The following HDAC9 variants were observed in gnomAD, a reference collection of about 807,000 sequenced individuals.
HDAC9 encodes MEF-2 interacting transcription repressor (MITR) protein.
Under a neutral mutation model 139.4 loss-of-function variants are expected in HDAC9, and 41 were observed. That is an observed-to-expected ratio of 0.29 (90% CI 0.23 to 0.38). The LOEUF (loss-of-function observed/expected upper bound fraction) is 0.38, where lower values mean the gene tolerates loss of function less well. HDAC9 is among the 10% of genes least tolerant of loss of function. The pLI is 1.00. For synonymous variants in HDAC9, 517 were observed against 476.2 expected (o/e 1.09, Z -1.12); for missense variants, 1,147 against 1,297.0 (o/e 0.88, Z 1.78).
At chr7:18,633,960 C>A (rs767186629) in intron 7 of HDAC9, among the ~76,000 whole-genome samples, 9 of 152,010 alleles carry the variant, frequency 5.9e-5, no homozygotes, top group Non-Finnish European at 1.2e-4. Context: ...AAAGGAATTT[C>A]TTGTTATATT....
intron 12 of HDAC9, among the ~76,000 whole-genome samples, chr7:18,693,755 T>C (rs1462642456): frequency 6.6e-6 from 1 of 152,182 alleles, no homozygotes. Flanking sequence ...TAAAATAGTA[T>C]GTGTGAAATT....
At chr7:18,641,517 GT>G (rs1785588083) in intron 8 of HDAC9, among the ~76,000 whole-genome samples, 1 of 152,076 alleles carries the variant, frequency 6.6e-6, no homozygotes, top group African/African-American at 2.4e-5. Flanking sequence ...CCCGTTAATT[GT>G]TTTGTGAAGG....
chr7:18,635,552 C>G (rs1389028308), intron 8 of HDAC9, among the ~76,000 whole-genome samples: 3 of 152,048 alleles, frequency 2.0e-5, no homozygotes, highest in Non-Finnish European at 4.4e-5. Context: ...CTATCAAAGG[C>G]AAGAGTCTGA....
rs566996141 is a variant in HDAC9, at chr7:18,557,344, T to G, written c.23-27937T>G. Among the ~76,000 whole-genome samples, 1,181 of 151,454 alleles carry G rather than the reference T, an allele frequency of 7.8e-3. 8 individuals carry two copies. Among genetic ancestry groups the G allele is most frequent in the African/African-American group, 0.022 (904 of 41,422 alleles). ...CAACTTTAAAGCAATGATGAGTTTT[T>G]TTTTTTTTTTTTATATCTAACCTTA... On this transcript the variant is annotated intron_variant, in intron 2 of 25. Coordinates refer to ENST00000686413, the MANE Select transcript of HDAC9 (RefSeq NM_178425.4).
chr7:18,391,811 T>G (rs1334962254), intron 1 of HDAC9, among the ~76,000 whole-genome samples: 4 of 152,200 alleles, frequency 2.6e-5, no homozygotes, highest in African/African-American at 9.7e-5. Flanking sequence ...TCTTCTTCTG[T>G]CAAATGAGGG....
chr7:18,273,800 A>G (rs1796541990), intron 2 of HDAC9, among the ~76,000 whole-genome samples: 1 of 152,250 alleles, frequency 6.6e-6, no homozygotes, highest in Non-Finnish European at 1.5e-5. Flanking sequence ...AAATAAGAAT[A>G]GTTAATCCTA....
intron 21 of HDAC9, among the ~76,000 whole-genome samples, chr7:18,870,947 G>A (rs1377272802): frequency 6.6e-6 from 1 of 152,150 alleles, no homozygotes; most frequent in African/African-American, 2.4e-5. Context: ...GTAGCCATGA[G>A]CTGCAATGCC....
chr7:18,177,039 G>A, intron 2 of HDAC9, among the ~76,000 whole-genome samples: 1 of 152,198 alleles, frequency 6.6e-6, no homozygotes, highest in East Asian at 1.9e-4. Flanking sequence ...GTATGTCAAA[G>A]TAGACATTGT....
intron 1 of HDAC9, among the ~76,000 whole-genome samples, chr7:18,439,811 C>A (rs1318222314): frequency 6.6e-6 from 1 of 151,002 alleles, no homozygotes; most frequent in Non-Finnish European, 1.5e-5. Context: ...ACATTCAAAT[C>A]TCTCTCTCTC....
chr7:18,883,954 G>GA (rs936771357), intron 22 of HDAC9, among the ~76,000 whole-genome samples: 8 of 151,862 alleles, frequency 5.3e-5, no homozygotes, highest in Non-Finnish European at 5.9e-5. Context: ...CTACAAAAAG[G>GA]AAAAAATGCA....
At chr7:18,214,561 A>G (rs145886063) in intron 2 of HDAC9, among the ~76,000 whole-genome samples, 1,851 of 152,224 alleles carry the variant, frequency 0.012, 37 homozygotes, top group African/African-American at 0.042. Flanking sequence ...ATGCTTTTCC[A>G]GTATATAGTT....
In HDAC9 at chr7:18,519,592, T is replaced by G. The variant is rs924017513; in HGVS notation, c.22+23268T>G. Among the ~76,000 whole-genome samples the G allele has an allele frequency of 6.8e-4, 104 of 152,244 alleles. 1 individual carries two copies. Among genetic ancestry groups the G allele is most frequent in the Admixed American group, 2.2e-3 (33 of 15,288 alleles). On this transcript the variant is annotated intron_variant, in intron 2 of 25. Transcript: ENST00000686413. Reference sequence around the variant, plus strand: ...CATTATGGGAGTAAAAATAAATGACTAGATAATGCTTAGTGTTGATTGTGG... The same window carrying G: ...CATTATGGGAGTAAAAATAAATGACGAGATAATGCTTAGTGTTGATTGTGG...
At chr7:18,527,733 G>A (rs1182569045) in intron 2 of HDAC9, among the ~76,000 whole-genome samples, 1 of 151,998 alleles carries the variant, frequency 6.6e-6, no homozygotes, top group Non-Finnish European at 1.5e-5. Flanking sequence ...ATTCACGTGG[G>A]ATCTAAATGC....
intron 6 of HDAC9, among the ~76,000 whole-genome samples, chr7:18,621,196 T>C (rs971772746): frequency 1.3e-5 from 2 of 151,800 alleles, no homozygotes; most frequent in African/African-American, 4.8e-5. Flanking sequence ...CGTAATTACC[T>C]GGGAAAAGAC....
Position 18,797,643 on chromosome 7 carries a change from C to T in HDAC9, c.2322+4191C>T, listed in dbSNP as rs115603865. On this transcript the variant is annotated intron_variant, in intron 17 of 25. Transcript: ENST00000686413. The stretch of plus-strand genomic sequence containing the variant: ...TGGTGTTCAAGACCAGCCTGGCCAA[C>T]GTGGCAAAACCCCGTGCTCACTAAA... Among the ~76,000 whole-genome samples the T allele has an allele frequency of 3.9e-3, 595 of 152,034 alleles. 3 individuals are homozygous for T. Among genetic ancestry groups the T allele is most frequent in the African/African-American group, 0.014 (567 of 41,442 alleles).
At chr7:18,995,388 A>T (rs1223597145) in intron 25 of HDAC9, among the ~76,000 whole-genome samples, 1 of 152,254 alleles carries the variant, frequency 6.6e-6, no homozygotes, top group African/African-American at 2.4e-5. Context: ...AATTAAGGTT[A>T]AATCTCAAGT....
chr7:18,174,321 A>G (rs979266881), intron 2 of HDAC9, among the ~76,000 whole-genome samples: 1 of 152,106 alleles, frequency 6.6e-6, no homozygotes, highest in Non-Finnish European at 1.5e-5. Context: ...GGTCTTCTCT[A>G]CACTGTTTAT....
At chr7:18,310,533 C>T (rs1295157012) in intron 1 of HDAC9, among the ~76,000 whole-genome samples, 1 of 152,104 alleles carries the variant, frequency 6.6e-6, no homozygotes, top group African/African-American at 2.4e-5. Flanking sequence ...TTTCTAATTA[C>T]AATCAGAGGC....
chr7:18,568,879 C>G (rs1399152799), intron 2 of HDAC9, among the ~76,000 whole-genome samples: 2 of 151,926 alleles, frequency 1.3e-5, no homozygotes, highest in African/African-American at 4.8e-5. Context: ...GAAACCTCCT[C>G]TCTACTAAAA....
Sources: gnomAD v4.1 joint callset for allele counts (sites outside exome capture counted in the v4.1 genomes callset) on GRCh38, gnomAD v4.1.1 for gene constraint, MANE v1.5 for transcripts, NCBI Gene and HGNC (gene_info 2026-07-23, HGNC 2026-07-21) for gene names.